Variants in HYAL2 observed in about 807,000 individuals in gnomAD.
HYAL2 encodes hyaluronidase-2.
In HYAL2, 30 loss-of-function variants were observed where a neutral mutation model predicts 35.4. The observed-to-expected ratio is 0.85, with a 90% CI of 0.63 to 1.15. The LOEUF (loss-of-function observed/expected upper bound fraction) is 1.15, where lower values mean the gene tolerates loss of function less well. Among genes scored for constraint, HYAL2 ranks in the 50% most tolerant of loss-of-function variants. HYAL2 has a pLI of 0.00. For missense variants in HYAL2, 635 were observed against 646.5 expected (o/e 0.98, Z 0.19); for synonymous variants, 262 against 252.8 (o/e 1.04, Z -0.34).
In HYAL2 at chr3:50,318,559, A is replaced by C. The variant is rs782593534; in HGVS notation, c.1012-20T>G. On this transcript the variant is annotated intron_variant, in intron 3 of 3. Coordinates refer to ENST00000357750, the MANE Select transcript of HYAL2 (RefSeq NM_003773.5). The surrounding 1 kb of genome is among the most constrained non-coding windows in gnomAD (Gnocchi z 4.5). ...GGTCTCCTGGAGGCAGAAGACAAGG[A>C]CCACAGGTCAGGGTCAGCTGCCTCA... is the stretch of plus-strand genomic sequence containing the variant. The C allele has an allele frequency of 1.3e-6, 2 of 1,581,688 alleles. No individual in the cohort carries two copies. Among genetic ancestry groups the C allele is most frequent in the Non-Finnish European group, 1.7e-6 (2 of 1,161,150 alleles).
At position 50,320,445 on chromosome 3, in the gene HYAL2, C is replaced by A. The variant is rs782305305; in HGVS notation, c.45G>T (p.Leu15=). 1.3e-6 allele frequency: 2 copies of A among 1,578,296 alleles called. No individual in the cohort carries two copies. The highest frequency in any genetic ancestry group is 8.6e-7 in the Non-Finnish European group (1 of 1,160,594). The change falls in exon 2 of 4, where the codon CTG becomes CTT. Residue 15 remains leucine, a synonymous_variant. Transcript: ENST00000357750. The surrounding 1 kb of genome is among the most constrained non-coding windows in gnomAD (Gnocchi z 4.8). ...TGAGCTCCATGGCCCATGACACCGCCAGCACCAGGGCCAATGTAACGGTGG... is the reference window on the plus strand; with the variant it reads ...TGAGCTCCATGGCCCATGACACCGCAAGCACCAGGGCCAATGTAACGGTGG... ...PGPTVTLALV[L]AVSWAMELKP... is the part of the protein sequence containing the mutation.
Position 50,319,993 on chromosome 3 carries a change from C to T in HYAL2, c.497G>A (p.Trp166Ter), listed in dbSNP as rs1559832487. 1.2e-6 allele frequency: 2 copies of T among 1,613,410 alleles called. No homozygotes were observed. Among genetic ancestry groups the T allele is most frequent in the Non-Finnish European group, 1.7e-6 (2 of 1,180,044 alleles). The change falls in exon 2 of 4, where the codon TGG becomes TAG. Residue 166 changes from tryptophan to a stop codon, truncating the protein, a stop_gained. Transcript: ENST00000357750. LOFTEE classifies it high-confidence loss of function. ...CTGTTTGACTATGCGGTCTGGAGGC[C>T]AGTCAGGGTGACGACTGGCCACTAG... ...RQLVASRHPD[W>*]PPDRIVKQAQ...
chr3:50,317,818 T>G lies in HYAL2; in HGVS notation c.*311A>C, dbSNP rs587720923. ...AAATCCAAGCAGAGAAGCAATTGTT[T>G]TATGTTTAATTTACAAAAGAGACCC... On this transcript the variant is annotated 3_prime_UTR_variant, in exon 4 of 4. Coordinates refer to ENST00000357750, the MANE Select transcript of HYAL2 (RefSeq NM_003773.5). The G allele has an allele frequency of 4.0e-5, 11 of 278,066 alleles. No individual in the cohort carries two copies. The South Asian group carries it at 1.5e-3, about 37-fold the overall frequency. The allele number at this position is 278,066 out of a possible 1,614,324, so 17.2% of individuals were successfully genotyped here. A position where few individuals can be genotyped will look rare whatever the true frequency, so the allele number is the denominator to read the frequency against.
Position 50,319,965 on chromosome 3 carries a change from T to C in HYAL2, c.525A>G (p.Ala175=). The C allele has an allele frequency of 1.2e-6, 2 of 1,613,620 alleles. No homozygotes were observed. The highest frequency in any genetic ancestry group is 1.7e-6 in the Non-Finnish European group (2 of 1,180,044). Reference sequence around the variant, plus strand: ...GTGCTGCGAACTCAAACTCATATTGTGCCTGTTTGACTATGCGGTCTGGAG... The same window carrying C: ...GTGCTGCGAACTCAAACTCATATTGCGCCTGTTTGACTATGCGGTCTGGAG... ...DWPPDRIVKQ[A]QYEFEFAAQQ... Residue 175 remains alanine (A), a synonymous_variant, in exon 2 of 4, where the codon GCA becomes GCG. Coordinates refer to ENST00000357750, the MANE Select transcript of HYAL2 (RefSeq NM_003773.5).
Position 50,320,252 on chromosome 3 carries a change from G to A in HYAL2, c.238C>T (p.Arg80Cys). 21 of 1,614,024 alleles carry A rather than the reference G, an allele frequency of 1.3e-5. No homozygotes were observed. The highest frequency in any genetic ancestry group is 1.7e-5 in the Non-Finnish European group (20 of 1,180,042). Residue 80 changes from arginine to cysteine, a missense_variant, in exon 2 of 4, where the codon CGC (arginine) becomes TGC (cysteine). Coordinates refer to ENST00000357750, the MANE Select transcript of HYAL2 (RefSeq NM_003773.5). This position sits in a 1 kb window ranked among gnomAD's most constrained non-coding sequence, Gnocchi z 4.8. ...FVNQNITIFY[R>C]DRLGLYPRFD... is the part of the protein sequence containing the mutation. ...CGTGGATACAGGCCTAGACGGTCGC[G>A]GTAGAAGATGGTAATATTCTGGTTC...
chr3:50,321,599 C>T (rs1381591235), intron 1 of HYAL2: 1 of 152,066 alleles, frequency 6.6e-6, no homozygotes, highest in Non-Finnish European at 1.5e-5. Context: ...GTTTCGGGCT[C>T]GAAGAGCCCC....
rs1553715979 is a variant in HYAL2, at chr3:50,318,864, G to C, written c.1011+92C>G. The C allele has an allele frequency of 1.8e-6, 2 of 1,122,452 alleles. No homozygotes were observed. Among genetic ancestry groups the C allele is most frequent in the Admixed American group, 3.4e-5 (2 of 58,138 alleles). The allele number at this position is 1,122,452 out of a possible 1,614,324, so 69.5% of individuals were successfully genotyped here. ...GGGTGGGAGACAGACAAGGGGACCAGACTAGGATTGCCCACCTGAGGTTGG... is the reference window on the plus strand; with the variant it reads ...GGGTGGGAGACAGACAAGGGGACCACACTAGGATTGCCCACCTGAGGTTGG... On this transcript the variant is annotated intron_variant, in intron 3 of 3. Transcript: ENST00000357750. This position sits in a 1 kb window ranked among gnomAD's most constrained non-coding sequence, Gnocchi z 4.5.
In HYAL2 at chr3:50,318,015, C is replaced by T; in HGVS notation, c.*114G>A. 1 of 1,211,602 alleles carries T rather than the reference C, an allele frequency of 8.3e-7. No homozygotes were observed. The highest frequency in any genetic ancestry group is 1.2e-6 in the Non-Finnish European group (1 of 864,174). 75.1% of individuals were successfully genotyped at this position (1,211,602 alleles called of 1,614,324 possible). A position where few individuals can be genotyped will look rare whatever the true frequency, so the allele number is the denominator to read the frequency against. ...TGGTATGGATGCCCTCCTGGGCTTC[C>T]TGGGGGCTCTGCCCACTCCAGACTC... On this transcript the variant is annotated 3_prime_UTR_variant, in exon 4 of 4. Transcript: ENST00000357750. The surrounding 1 kb of genome is among the most constrained non-coding windows in gnomAD (Gnocchi z 4.5).
chr3:50,321,824 G>GTT (rs1559834299), intron 1 of HYAL2: 1 of 148,188 alleles, frequency 6.7e-6, no homozygotes. Flanking sequence ...AAGGGGGGGG[G>GTT]GGGGAATAGG....
In HYAL2 at chr3:50,318,978, T is replaced by A; in HGVS notation, c.989A>T (p.Asp330Val). 6.2e-7 allele frequency: 1 copy of A among 1,613,390 alleles called. No individual in the cohort carries two copies. Residue 330 changes from aspartate to valine, a missense_variant, in exon 3 of 4, where the codon GAC becomes GTC. Transcript: ENST00000357750. This position sits in a 1 kb window ranked among gnomAD's most constrained non-coding sequence, Gnocchi z 4.5. ...TACCGTGCTTGTGGTGTACCCCGCGTCACCCCAGAGGATGACACCAGCTGC... is the reference window on the plus strand; with the variant it reads ...TACCGTGCTTGTGGTGTACCCCGCGACACCCCAGAGGATGACACCAGCTGC... ...LGAAGVILWG[D>V]AGYTTSTETC... is the part of the protein sequence containing the mutation.
chr3:50,318,670 C>A lies in HYAL2; in HGVS notation c.1012-131G>T. On this transcript the variant is annotated intron_variant, in intron 3 of 3. Coordinates refer to ENST00000357750, the MANE Select transcript of HYAL2 (RefSeq NM_003773.5). This position sits in a 1 kb window ranked among gnomAD's most constrained non-coding sequence, Gnocchi z 4.5. The stretch of plus-strand genomic sequence containing the variant: ...CACACATTCATACATTCAATCTGCA[C>A]CTGAGCCACACAGTCCCTGCTCCTG... 3.3e-6 allele frequency: 3 copies of A among 904,270 alleles called. No homozygotes were observed. The highest frequency in any genetic ancestry group is 5.0e-6 in the Non-Finnish European group (3 of 602,100). The allele number at this position is 904,270 out of a possible 1,614,324, so 56.0% of individuals were successfully genotyped here. A position where few individuals can be genotyped will look rare whatever the true frequency, so the allele number is the denominator to read the frequency against.
In HYAL2 at chr3:50,318,057, T is replaced by G; in HGVS notation, c.*72A>C. 1 of 1,482,880 alleles carries G rather than the reference T, an allele frequency of 6.7e-7. No homozygotes were observed. The highest frequency in any genetic ancestry group is 9.0e-7 in the Non-Finnish European group (1 of 1,105,746). The allele number at this position is 1,482,880 out of a possible 1,614,324, so 91.9% of individuals were successfully genotyped here. On this transcript the variant is annotated 3_prime_UTR_variant, in exon 4 of 4. Transcript: ENST00000357750. The surrounding 1 kb of genome is among the most constrained non-coding windows in gnomAD (Gnocchi z 4.5). ...TCCAGACTCCAGTTTGTCCACCCCC[T>G]GCAGGGTCCTACATGCCTAAGAGAG...
chr3:50,318,424 C>T lies in HYAL2; in HGVS notation c.1127G>A (p.Cys376Tyr), dbSNP rs782428366. 6.2e-7 allele frequency: 1 copy of T among 1,613,272 alleles called. No individual in the cohort carries two copies. The highest frequency in any genetic ancestry group is 8.5e-7 in the Non-Finnish European group (1 of 1,180,044). ...ACTGGCACTGGGGTTGCGGCGCACA[C>T]AGCGCCCATGGCCATGGCACTGGGC... ...SRAQCHGHGR[C>Y]VRRNPSASTF... Residue 376 changes from cysteine (C) to tyrosine (Y), a missense_variant, in exon 4 of 4, where the codon TGT becomes TAT. Cys to Tyr is a radical substitution (Grantham distance 194). Coordinates refer to ENST00000357750, the MANE Select transcript of HYAL2 (RefSeq NM_003773.5). This position sits in a 1 kb window ranked among gnomAD's most constrained non-coding sequence, Gnocchi z 4.5.
chr3:50,319,049 T>G lies in HYAL2; in HGVS notation c.922-4A>C, dbSNP rs782101840. On this transcript the variant is annotated splice_region_variant and splice_polypyrimidine_tract_variant and intron_variant, in intron 2 of 3. Transcript: ENST00000357750. ...CAATGGTAGAGATGAGGTCCATCTA[T>G]GCAGGAAAAGGGATGGTCACTGGGG... 6.3e-7 allele frequency: 1 copy of G among 1,591,964 alleles called. No individual in the cohort carries two copies. The highest frequency in any genetic ancestry group is 8.6e-7 in the Non-Finnish European group (1 of 1,163,350).
rs782336491 is a variant in HYAL2 at position 50,318,558 on chromosome 3, G to A, written c.1012-19C>T. The A allele has an allele frequency of 2.7e-5, 42 of 1,584,424 alleles. 1 individual carries two copies. The South Asian group carries it at 4.3e-4, about 16-fold the overall frequency. On this transcript the variant is annotated intron_variant, in intron 3 of 3. Transcript: ENST00000357750. This position sits in a 1 kb window ranked among gnomAD's most constrained non-coding sequence, Gnocchi z 4.5. ...AGGTCTCCTGGAGGCAGAAGACAAG[G>A]ACCACAGGTCAGGGTCAGCTGCCTC... is the stretch of plus-strand genomic sequence containing the variant.
At position 50,318,403 on chromosome 3, in the gene HYAL2, G is replaced by A. The variant is rs782628028; in HGVS notation, c.1148C>T (p.Ala383Val). The change falls in exon 4 of 4, where the codon GCC becomes GTC. Residue 383 changes from alanine to valine, a missense_variant. Coordinates refer to ENST00000357750, the MANE Select transcript of HYAL2 (RefSeq NM_003773.5). This position sits in a 1 kb window ranked among gnomAD's most constrained non-coding sequence, Gnocchi z 4.5. The part of the protein sequence containing the change: ...HGRCVRRNPS[A>V]STFLHLSTNS... ...GGTGCTGAGATGCAGGAAGGTACTG[G>A]CACTGGGGTTGCGGCGCACACAGCG... is the stretch of plus-strand genomic sequence containing the variant. 1.9e-6 allele frequency: 3 copies of A among 1,613,322 alleles called. No homozygotes were observed. The South Asian group carries it at 3.3e-5, about 18-fold the overall frequency.
chr3:50,319,175 C>G (rs782707455), intron 2 of HYAL2, 130 bp from the exon 3 acceptor site: 1 of 616,108 alleles, frequency 1.6e-6, no homozygotes, highest in East Asian at 2.9e-5. Context: ...CACGTCCAGG[C>G]AGAGGCTCAT....
rs782254635 is a variant in HYAL2 at position 50,320,163 on chromosome 3, G to C, written c.327C>G (p.His109Gln). ...CCACACGTTTCTGCAGCATCTTCCGGTGTGCCCAAAGGCTGACATTCTGTG... is the reference window on the plus strand; with the variant it reads ...CCACACGTTTCTGCAGCATCTTCCGCTGTGCCCAAAGGCTGACATTCTGTG... ...GVPQNVSLWA[H>Q]RKMLQKRVEH... Residue 109 changes from histidine to glutamine, a missense_variant, in exon 2 of 4, where the codon CAC becomes CAG. By Grantham distance (24) the His-to-Gln change is conservative. Transcript: ENST00000357750. The surrounding 1 kb of genome is among the most constrained non-coding windows in gnomAD (Gnocchi z 4.8). The C allele has an allele frequency of 4.3e-6, 7 of 1,613,762 alleles. No individual in the cohort carries two copies. The highest frequency in any genetic ancestry group is 5.1e-6 in the Non-Finnish European group (6 of 1,180,054).
Position 50,318,019 on chromosome 3 carries a change from G to A in HYAL2, c.*110C>T. 4 of 1,236,790 alleles carry A rather than the reference G, an allele frequency of 3.2e-6. No individual in the cohort carries two copies. The highest frequency in any genetic ancestry group is 1.1e-6 in the Non-Finnish European group (1 of 887,416). 76.6% of individuals were successfully genotyped at this position (1,236,790 alleles called of 1,614,324 possible). A position where few individuals can be genotyped will look rare whatever the true frequency, so the allele number is the denominator to read the frequency against. ...ATGGATGCCCTCCTGGGCTTCCTGG[G>A]GGCTCTGCCCACTCCAGACTCCAGT... is the stretch of plus-strand genomic sequence containing the variant. On this transcript the variant is annotated 3_prime_UTR_variant, in exon 4 of 4. Coordinates refer to ENST00000357750, the MANE Select transcript of HYAL2 (RefSeq NM_003773.5). The surrounding 1 kb of genome is among the most constrained non-coding windows in gnomAD (Gnocchi z 4.5).
Sources: gnomAD v4.1 joint callset for allele counts on GRCh38, gnomAD v4.1.1 for gene constraint, Gnocchi (gnomAD v3.1) non-coding constraint, MANE v1.5 for transcripts, NCBI Gene and HGNC (gene_info 2026-07-23, HGNC 2026-07-21) for gene names.